USP34: variants seen among roughly 807,000 people sequenced by gnomAD.
USP34 encodes ubiquitin carboxyl-terminal hydrolase 34.
Under a neutral mutation model 460.3 loss-of-function variants are expected in USP34, and 70 were observed. That is an observed-to-expected ratio of 0.15 (90% CI 0.13 to 0.19). The LOEUF is 0.19. Among genes scored for constraint, USP34 ranks in the 10% least tolerant of loss-of-function variants. The pLI, the probability that USP34 is intolerant of heterozygous loss-of-function variation, is 1.00. For synonymous variants in USP34, 1,647 were observed against 1,405.3 expected, an observed-to-expected ratio of 1.17 and a Z score of -3.85; for missense variants, 3,985 against 4,236.2, an observed-to-expected ratio of 0.94 and a Z score of 1.65.
At chr2:61,401,715 A>ATTTT (rs79669039) in intron 3 of USP34, among the ~76,000 whole-genome samples, 6 of 133,818 alleles carry the variant, frequency 4.5e-5, no homozygotes, top group African/African-American at 1.7e-4. Context: ...CGCCCTGCTA[A>ATTTT]TTTTTTTTTT....
At chr2:61,291,657 A>AT (rs1238283117) in intron 33 of USP34, among the ~76,000 whole-genome samples, 3 of 152,228 alleles carry the variant, frequency 2.0e-5, no homozygotes, top group African/African-American at 7.2e-5. Flanking sequence ...AGACACATGA[A>AT]AAGCTGCTCA....
chr2:61,236,039 T>C lies in USP34; in HGVS notation c.6953A>G (p.His2318Arg). The C allele has an allele frequency of 6.2e-7, 1 of 1,605,946 alleles. No individual in the cohort carries two copies. The highest frequency in any genetic ancestry group is 1.3e-5 in the African/African-American group (1 of 74,250). Residue 2318 changes from histidine (H) to arginine (R), a missense_variant, in exon 56 of 80, where the codon CAT (histidine) becomes CGT (arginine). Around this residue, in one of 14 missense-constraint regions of USP34, gnomAD observed 604 missense variants for 684.8 expected, o/e 0.88. Coordinates refer to ENST00000398571, the MANE Select transcript of USP34 (RefSeq NM_014709.4). ...STSFVLETFI[H>R]SKEKPTMLQW... is the part of the protein sequence containing the mutation. Reference sequence around the variant, plus strand: ...GAAAACACATACCTTTTCTTTAGAATGAATAAATGTCTCTAGGACAAAGGA... The same window carrying C: ...GAAAACACATACCTTTTCTTTAGAACGAATAAATGTCTCTAGGACAAAGGA...
intron 21 of USP34, among the ~76,000 whole-genome samples, chr2:61,321,579 A>G (rs1690924793): frequency 6.6e-6 from 1 of 152,258 alleles, no homozygotes; most frequent in Non-Finnish European, 1.5e-5. Flanking sequence ...TGAATGTACC[A>G]GAAACACCAA....
Position 61,278,457 on chromosome 2 carries a change from G to A in USP34, c.5257-14C>T. ...GAGGAGCGTTGTCTTAATACAAAAA[G>A]AAAATAAAAATTCAAATATAAATTT... On this transcript the variant is annotated splice_polypyrimidine_tract_variant and intron_variant, in intron 39 of 79. Coordinates refer to ENST00000398571, the MANE Select transcript of USP34 (RefSeq NM_014709.4). 6.7e-7 allele frequency: 1 copy of A among 1,493,580 alleles called. No homozygotes were observed. Among genetic ancestry groups the A allele is most frequent in the East Asian group, 2.5e-5 (1 of 40,446 alleles). 92.5% of individuals were successfully genotyped at this position (1,493,580 alleles called of 1,614,324 possible).
At chr2:61,455,351 G>A (rs1695406146) in intron 1 of USP34, among the ~76,000 whole-genome samples, 1 of 151,648 alleles carries the variant, frequency 6.6e-6, no homozygotes, top group Non-Finnish European at 1.5e-5. Flanking sequence ...ACTAGTTTTT[G>A]TATTATAATA....
intron 5 of USP34, among the ~76,000 whole-genome samples, chr2:61,385,671 C>CAAAAAAA (rs61200102): frequency 4.1e-4 from 19 of 45,972 alleles, no homozygotes; most frequent in Admixed American, 7.4e-4. Context: ...GACTCTGTCT[C>CAAAAAAA]AAAAAAAAAA....
chr2:61,225,892 A>G (rs1221382833), intron 62 of USP34, among the ~76,000 whole-genome samples: 4 of 152,240 alleles, frequency 2.6e-5, no homozygotes, highest in Admixed American at 6.5e-5. Context: ...CCTATAAGTC[A>G]TATCATGGCC....
rs1210207311 is a variant in USP34, at chr2:61,342,931, A to AAGGTTAGATT, written c.2500+883_2500+884insAATCTAACCT. On this transcript the variant is annotated intron_variant, in intron 16 of 79. Coordinates refer to ENST00000398571, the MANE Select transcript of USP34 (RefSeq NM_014709.4). ...ACATTCAGTCAGATGACCTCAATCT[A>AAGGTTAGATT]ACCTATTCCTTTCTCAACAACCACA... 5.3e-5 allele frequency among the ~76,000 whole-genome samples: 8 copies of AAGGTTAGATT among 152,328 alleles called. No homozygotes were observed. In the South Asian group the frequency reaches 1.7e-3, roughly 32 times the overall value.
At chr2:61,253,686 G>A (rs1688646808) in intron 48 of USP34, among the ~76,000 whole-genome samples, 2 of 149,644 alleles carry the variant, frequency 1.3e-5, no homozygotes. Flanking sequence ...AAAATCCTTT[G>A]TTTGAGCCCC....
Position 61,241,812 on chromosome 2 carries a change from G to T in USP34, c.6635C>A (p.Thr2212Asn). Residue 2212 changes from threonine to asparagine, a missense_variant, in exon 52 of 80, where the codon ACC becomes AAC. Coordinates refer to ENST00000398571, the MANE Select transcript of USP34 (RefSeq NM_014709.4). ...AAATTTATCTGTAACAGAATCATAGGTCTTGGTCTGTTTAAAAATACAAAA... is the reference window on the plus strand; with the variant it reads ...AAATTTATCTGTAACAGAATCATAGTTCTTGGTCTGTTTAAAAATACAAAA... ...ECFGGEMTTKTYDSVTDKFMD... is the reference protein window; with the variant it reads ...ECFGGEMTTKNYDSVTDKFMD... 6.6e-7 allele frequency: 1 copy of T among 1,519,568 alleles called. No homozygotes were observed. Among genetic ancestry groups the T allele is most frequent in the Middle Eastern group, 1.7e-4 (1 of 5,752 alleles). The allele number at this position is 1,519,568 out of a possible 1,614,324, so 94.1% of individuals were successfully genotyped here.
chr2:61,300,886 T>A lies in USP34; in HGVS notation c.4128+65A>T, dbSNP rs569989005. 60 of 1,084,854 alleles carry A rather than the reference T, an allele frequency of 5.5e-5. No individual in the cohort carries two copies. In the African/African-American group the frequency reaches 7.8e-4, roughly 14 times the overall value. 67.2% of individuals were successfully genotyped at this position (1,084,854 alleles called of 1,614,324 possible). On this transcript the variant is annotated intron_variant, in intron 29 of 79. Transcript: ENST00000398571. ...TAACGTTTTATAAACTATACTTTTA[T>A]TAAAGTTACTATATCCTCTCAACAG... is the stretch of plus-strand genomic sequence containing the variant.
At chr2:61,244,206 T>C (rs1243074799) in intron 51 of USP34, among the ~76,000 whole-genome samples, 1 of 152,210 alleles carries the variant, frequency 6.6e-6, no homozygotes, top group Non-Finnish European at 1.5e-5. Context: ...TGACTAATAT[T>C]TGTCTTGTGA....
Position 61,470,967 on chromosome 2 carries a change from CGGGGGGAGGGGAGAG to C in USP34, c.-290_-276del, listed in dbSNP as rs1328289336. ...CGGCGGCGGGGAAGGGGGGGAAGGA[CGGGGGGAGGGGAGAG>C]GGGGGGAGGGGGCGGGTGGGGAGAG... On this transcript the variant is annotated 5_prime_UTR_variant, in exon 1 of 80. Transcript: ENST00000398571. 1.5e-4 allele frequency among the ~76,000 whole-genome samples: 2 copies of C among 13,772 alleles called. No individual in the cohort carries two copies. The highest frequency in any genetic ancestry group is 2.9e-4 in the Non-Finnish European group (2 of 6,886). The allele number at this position is 13,772 out of a possible 152,430, so 9.0% of individuals were successfully genotyped here.
At chr2:61,224,025 C>T (rs1687662446) in intron 62 of USP34, among the ~76,000 whole-genome samples, 1 of 152,144 alleles carries the variant, frequency 6.6e-6, no homozygotes, top group African/African-American at 2.4e-5. Context: ...GTATCTTTAA[C>T]AGATAGGTTT....
intron 27 of USP34, among the ~76,000 whole-genome samples, chr2:61,301,906 CTCA>C (rs1690237686): frequency 6.6e-6 from 1 of 151,574 alleles, no homozygotes; most frequent in Non-Finnish European, 1.5e-5. Flanking sequence ...TTGTTAACAC[CTCA>C]TATTTGTTAT....
At chr2:61,398,532 G>A (rs1198376584) in intron 3 of USP34, among the ~76,000 whole-genome samples, 1 of 134,944 alleles carries the variant, frequency 7.4e-6, no homozygotes, top group Non-Finnish European at 1.6e-5. Flanking sequence ...AAGCGGGGAA[G>A]GAGGCGGAAG....
chr2:61,297,700 T>C (rs1259112229), intron 29 of USP34, among the ~76,000 whole-genome samples: 5 of 152,178 alleles, frequency 3.3e-5, no homozygotes, highest in Non-Finnish European at 5.9e-5. Flanking sequence ...CTTAGTTCTT[T>C]TGGTATAATG....
At chr2:61,189,401 T>A (rs931879574) in intron 78 of USP34, 10 of 177,104 alleles carry the variant, frequency 5.6e-5, no homozygotes, top group African/African-American at 7.1e-5. Context: ...GCCTCCCAAG[T>A]AGCTGGGACT....
intron 48 of USP34, among the ~76,000 whole-genome samples, chr2:61,254,809 T>A (rs781366505): frequency 6.6e-6 from 1 of 152,094 alleles, no homozygotes; most frequent in African/African-American, 2.4e-5. Flanking sequence ...AGGGAAAAAA[T>A]TGTATAATGT....
Sources: gnomAD v4.1 joint callset for allele counts (sites outside exome capture counted in the v4.1 genomes callset) on GRCh38, gnomAD v4.1.1 for gene constraint, gnomAD v4.1.1 regional missense constraint, MANE v1.5 for transcripts, NCBI Gene and HGNC (gene_info 2026-07-23, HGNC 2026-07-21) for gene names.